CSMD1: variants seen among roughly 807,000 people sequenced by gnomAD.
CSMD1 encodes CUB and sushi domain-containing protein 1.
In CSMD1, 213 loss-of-function variants were observed where a neutral mutation model predicts 417.5. The observed-to-expected ratio is 0.51, with a 90% confidence interval of 0.46 to 0.57. CSMD1 has a LOEUF of 0.57. Among genes scored for constraint, CSMD1 ranks in the 20% least tolerant of loss-of-function variants. The probability of loss-of-function intolerance (pLI) is 0.00; values close to 1 mark genes in which losing one functional copy is unlikely to be tolerated. For synonymous variants in CSMD1, 2,862 were observed against 1,736.8 expected (o/e 1.65, Z -16.11); for missense variants, 6,923 against 4,529.7 (o/e 1.53, Z -15.17).
chr8:3,322,712 C>T (rs1305611575), intron 23 of CSMD1, among the ~76,000 whole-genome samples: 1 of 152,180 alleles, frequency 6.6e-6, no homozygotes, highest in Non-Finnish European at 1.5e-5. Context: ...GAGTCCACAG[C>T]CAGTGGGGCA....
At chr8:4,628,562 C>A (rs117711784) in intron 2 of CSMD1, among the ~76,000 whole-genome samples, 1 of 151,068 alleles carries the variant, frequency 6.6e-6, no homozygotes, top group Non-Finnish European at 1.5e-5. Context: ...AGATGTAATT[C>A]AGTGTAAGAA....
intron 1 of CSMD1, among the ~76,000 whole-genome samples, chr8:4,652,622 A>G (rs1389903345): frequency 1.3e-5 from 2 of 152,020 alleles, no homozygotes; most frequent in Non-Finnish European, 2.9e-5. Flanking sequence ...ATTGCACCAC[A>G]GCCTGGAGAC....
rs144052833 is a variant in CSMD1 at position 2,948,677 on chromosome 8, A to G, written c.10402+622T>C. 1.6e-3 allele frequency among the ~76,000 whole-genome samples: 238 copies of G among 152,220 alleles called. 4 individuals carry two copies. The highest frequency in any genetic ancestry group is 5.3e-3 in the African/African-American group (220 of 41,560). ...ATTTCTAAGTTCCACTACTAAAACA[A>G]TCCTGCTTTGGACACGCCTGAATAT... On this transcript the variant is annotated intron_variant, in intron 68 of 69. Coordinates refer to ENST00000635120, the MANE Select transcript of CSMD1 (RefSeq NM_033225.6).
At chr8:3,827,103 T>G (rs1457582205) in intron 5 of CSMD1, among the ~76,000 whole-genome samples, 1 of 152,206 alleles carries the variant, frequency 6.6e-6, no homozygotes, top group African/African-American at 2.4e-5. Flanking sequence ...CTTCTCTATT[T>G]TAGATGTAAA....
At chr8:3,302,547 T>A (rs1160235041) in intron 25 of CSMD1, among the ~76,000 whole-genome samples, 3 of 152,208 alleles carry the variant, frequency 2.0e-5, no homozygotes, top group Non-Finnish European at 4.4e-5. Context: ...ATTCCTTCTT[T>A]GCAATTCCCG....
intron 10 of CSMD1, among the ~76,000 whole-genome samples, chr8:3,572,645 G>A (rs1018266677): frequency 1.3e-5 from 2 of 152,118 alleles, no homozygotes; most frequent in East Asian, 1.9e-4. Context: ...AGTTCCTTCT[G>A]CCTCTCAAAT....
At chr8:4,732,003 C>A (rs1431486110) in intron 1 of CSMD1, among the ~76,000 whole-genome samples, 1 of 152,056 alleles carries the variant, frequency 6.6e-6, no homozygotes, top group Non-Finnish European at 1.5e-5. Context: ...AGAGAAAAAA[C>A]GAGAAGACTG....
At chr8:3,874,749 T>A (rs1805701510) in intron 5 of CSMD1, among the ~76,000 whole-genome samples, 1 of 152,054 alleles carries the variant, frequency 6.6e-6, no homozygotes, top group African/African-American at 2.4e-5. Context: ...GGTGAGAACA[T>A]ACCATGTCTG....
At position 3,399,526 on chromosome 8, in the gene CSMD1, G is replaced by T. The variant is rs1811910962; in HGVS notation, c.2270C>A (p.Pro757Gln). The change falls in exon 16 of 70, where the codon CCA becomes CAA. Residue 757 changes from proline to glutamine, a missense_variant. Physicochemically the swap from Pro to Gln is moderately conservative, Grantham distance 76. Coordinates refer to ENST00000635120, the MANE Select transcript of CSMD1 (RefSeq NM_033225.6). ...GGACGCTGTCAGATGTCCACCACAT[G>T]GAGCTAAAACAAGACGTAGAATATC... Reference protein sequence around the residue: ...WSSTVPRCEAPCGGHLTASSG... With the variant: ...WSSTVPRCEAQCGGHLTASSG... The T allele has an allele frequency of 1.3e-6, 2 of 1,590,728 alleles. No individual in the cohort carries two copies. The highest frequency in any genetic ancestry group is 1.7e-6 in the Non-Finnish European group (2 of 1,170,204).
chr8:4,365,588 C>T (rs1272945077), intron 3 of CSMD1, among the ~76,000 whole-genome samples: 4 of 152,150 alleles, frequency 2.6e-5, no homozygotes, highest in Non-Finnish European at 4.4e-5. Flanking sequence ...CAAGCAGATA[C>T]TCTGGTTTCT....
chr8:4,213,842 CCA>C (rs1800471120), intron 3 of CSMD1, among the ~76,000 whole-genome samples: 1 of 152,128 alleles, frequency 6.6e-6, no homozygotes, highest in African/African-American at 2.4e-5. Flanking sequence ...TTATTGAACC[CCA>C]GTGTTTAGGC....
chr8:4,636,253 A>C (rs183087808), intron 2 of CSMD1, among the ~76,000 whole-genome samples: 3 of 152,140 alleles, frequency 2.0e-5, no homozygotes, highest in African/African-American at 7.2e-5. Context: ...TCCTTTGCCA[A>C]ATTGAAAACA....
chr8:3,207,182 T>C (rs1420363538), intron 30 of CSMD1, among the ~76,000 whole-genome samples: 2 of 12,098 alleles, frequency 1.7e-4, no homozygotes, highest in African/African-American at 4.7e-4. Context: ...TGTCTTGCCC[T>C]GTCACCCAGG....
chr8:4,800,812 C>G (rs1174494575), intron 1 of CSMD1, among the ~76,000 whole-genome samples: 1 of 152,176 alleles, frequency 6.6e-6, no homozygotes, highest in African/African-American at 2.4e-5. Flanking sequence ...GGGGAGGGCA[C>G]CTGAGTGGTG....
At chr8:4,384,153 G>A (rs1803288018) in intron 3 of CSMD1, among the ~76,000 whole-genome samples, 1 of 152,042 alleles carries the variant, frequency 6.6e-6, no homozygotes, top group Admixed American at 6.6e-5. Context: ...TCCTCCCTTG[G>A]GAATGCCAGG....
intron 31 of CSMD1, among the ~76,000 whole-genome samples, chr8:3,203,307 GGTTCTAACCC>G (rs1797086873): frequency 6.6e-6 from 1 of 152,068 alleles, no homozygotes; most frequent in Non-Finnish European, 1.5e-5. Context: ...CCTTCACCTG[GGTTCTAACCC>G]GTCACACACA....
At chr8:3,675,265 G>T (rs4875251) in intron 7 of CSMD1, among the ~76,000 whole-genome samples, 1 of 151,928 alleles carries the variant, frequency 6.6e-6, no homozygotes, top group African/African-American at 2.4e-5. Context: ...TGGCATGTGC[G>T]TGCCATTCCC....
At chr8:4,094,788 A>G (rs544395970) in intron 3 of CSMD1, among the ~76,000 whole-genome samples, 14 of 152,306 alleles carry the variant, frequency 9.2e-5, no homozygotes, top group Middle Eastern at 3.4e-3. Flanking sequence ...CGCATGGAGT[A>G]CTGGATAAAC....
At chr8:4,641,254 T>C (rs1431173047) in intron 1 of CSMD1, among the ~76,000 whole-genome samples, 1 of 152,076 alleles carries the variant, frequency 6.6e-6, no homozygotes, top group Non-Finnish European at 1.5e-5. Context: ...GCCATAATTT[T>C]AGGCAACTGG....
Sources: allele counts gnomAD v4.1 joint callset (sites outside exome capture counted in the v4.1 genomes callset), GRCh38; gene constraint gnomAD v4.1.1; transcripts MANE v1.5; gene names NCBI Gene and HGNC (gene_info 2026-07-23, HGNC 2026-07-21).